Variants in PHTF1 observed in about 807,000 individuals in gnomAD.
PHTF1 encodes the protein protein PHTF1.
A neutral mutation model predicts 102.4 loss-of-function variants in PHTF1; 88 were observed. The observed-to-expected ratio is 0.86, with a 90% CI of 0.72 to 1.03. The LOEUF is 1.03. PHTF1 is among the 50% of genes least tolerant of loss of function. The pLI, the probability that PHTF1 is intolerant of heterozygous loss-of-function variation, is 0.00. For synonymous variants in PHTF1, 289 were observed against 305.2 expected, an observed-to-expected ratio of 0.95 and a Z score of 0.55; for missense variants, 814 against 909.5, an observed-to-expected ratio of 0.89 and a Z score of 1.35.
chr1:113,713,692 C>A, intron 7 of PHTF1: 1 of 376,756 alleles, frequency 2.7e-6, no homozygotes, highest in Non-Finnish European at 4.8e-6. Flanking sequence ...CAGTGTTGCA[C>A]AAAAGTAGGT....
At chr1:113,737,677 T>C (rs1459767939) in intron 5 of PHTF1, among the ~76,000 whole-genome samples, 1 of 152,122 alleles carries the variant, frequency 6.6e-6, no homozygotes, top group Non-Finnish European at 1.5e-5. Flanking sequence ...CATACACCTG[T>C]AGTGCCAGCT....
intron 3 of PHTF1, among the ~76,000 whole-genome samples, chr1:113,744,567 C>A (rs1490941101): frequency 6.6e-6 from 1 of 152,074 alleles, no homozygotes; most frequent in Non-Finnish European, 1.5e-5. Flanking sequence ...TTTAAGAAGT[C>A]CAAGAAAGAT....
In PHTF1 at chr1:113,738,881, C is replaced by T. The variant is rs959110562; in HGVS notation, c.103-82G>A. The T allele has an allele frequency of 4.6e-5, 46 of 998,582 alleles. No individual in the cohort carries two copies. In the Admixed American group the frequency reaches 4.7e-4, roughly 10 times the overall value. 61.9% of individuals were successfully genotyped at this position (998,582 alleles called of 1,614,324 possible). A position where few individuals can be genotyped will look rare whatever the true frequency, so the allele number is the denominator to read the frequency against. The stretch of plus-strand genomic sequence containing the variant: ...TTTATTTATTTTTGAGACACAGTTT[C>T]GCTCTTGTAGCCCAGGCTGGAGTGC... On this transcript the variant is annotated intron_variant, in intron 3 of 18. Transcript: ENST00000369604.
chr1:113,728,527 G>C (rs1445161568), intron 5 of PHTF1, among the ~76,000 whole-genome samples: 1 of 152,212 alleles, frequency 6.6e-6, no homozygotes, highest in Non-Finnish European at 1.5e-5. Flanking sequence ...CAACCACTAT[G>C]AAGAACAGCT....
Position 113,702,855 on chromosome 1 carries a change from G to A in PHTF1, c.1890+1226C>T, listed in dbSNP as rs576728948. On this transcript the variant is annotated intron_variant, in intron 15 of 18. Transcript: ENST00000369604. ...ATTACAAATAGAGACATTTTGTAGG[G>A]TCATGAAAGGCAAAGCCTGACATTT... Among the ~76,000 whole-genome samples, 130 of 152,296 alleles carry A rather than the reference G, an allele frequency of 8.5e-4. 5 individuals are homozygous for A. In the South Asian group the frequency reaches 0.026, roughly 30 times the overall value.
At chr1:113,753,577 G>T (rs1658409969) in intron 3 of PHTF1, among the ~76,000 whole-genome samples, 1 of 152,148 alleles carries the variant, frequency 6.6e-6, no homozygotes, top group South Asian at 2.1e-4. Context: ...ACAGGTGCGT[G>T]TCACCATGCC....
At chr1:113,725,762 T>C (rs1202536341) in intron 6 of PHTF1, 2 of 152,390 alleles carry the variant, frequency 1.3e-5, no homozygotes, top group African/African-American at 2.4e-5. Context: ...TCAGGAGTTC[T>C]AGATCAGCCT....
chr1:113,706,297 A>G, intron 12 of PHTF1, 135 bp from the exon 13 acceptor site: 1 of 827,672 alleles, frequency 1.2e-6, no homozygotes, highest in South Asian at 2.0e-5. Flanking sequence ...CAGATTTATG[A>G]CTTTCAAATC....
intron 8 of PHTF1, among the ~76,000 whole-genome samples, chr1:113,712,547 G>C (rs1367699296): frequency 2.0e-5 from 3 of 152,176 alleles, no homozygotes; most frequent in Non-Finnish European, 1.5e-5. Context: ...TATAGTAACG[G>C]CTCAATAATT....
intron 3 of PHTF1, among the ~76,000 whole-genome samples, chr1:113,754,931 T>G (rs1658621013): frequency 6.6e-6 from 1 of 152,146 alleles, no homozygotes; most frequent in South Asian, 2.1e-4. Context: ...TCTAAACAAG[T>G]CTTATACTTC....
At chr1:113,744,497 A>G (rs1656900831) in intron 3 of PHTF1, among the ~76,000 whole-genome samples, 1 of 152,192 alleles carries the variant, frequency 6.6e-6, no homozygotes, top group South Asian at 2.1e-4. Context: ...GTGAACAACA[A>G]AACAATTACA....
chr1:113,703,440 G>A (rs1649662809), intron 15 of PHTF1, among the ~76,000 whole-genome samples: 1 of 152,210 alleles, frequency 6.6e-6, no homozygotes, highest in Non-Finnish European at 1.5e-5. Flanking sequence ...AAGGGTACAG[G>A]AGGGGGTTTC....
At chr1:113,741,332 G>A (rs1656316174) in intron 3 of PHTF1, among the ~76,000 whole-genome samples, 1 of 151,952 alleles carries the variant, frequency 6.6e-6, no homozygotes, top group African/African-American at 2.4e-5. Flanking sequence ...TTGAAAATGA[G>A]GCAACTCAAG....
intron 8 of PHTF1, among the ~76,000 whole-genome samples, chr1:113,712,975 T>C (rs1217746401): frequency 6.6e-6 from 1 of 152,092 alleles, no homozygotes; most frequent in Non-Finnish European, 1.5e-5. Context: ...GTATTTTTAG[T>C]AGAAACGGGG....
At chr1:113,724,651 T>C in intron 7 of PHTF1, 108 bp downstream of exon 7, 1 of 808,464 alleles carries the variant, frequency 1.2e-6, no homozygotes, top group South Asian at 3.5e-5. Context: ...TGATAACCCT[T>C]AAAAATCACA....
rs377692978 is a variant in PHTF1, at chr1:113,697,960, C to T, written c.2269-235G>A. Among the ~76,000 whole-genome samples the T allele has an allele frequency of 2.6e-4, 39 of 152,284 alleles. No individual in the cohort carries two copies. In the East Asian group the frequency reaches 2.9e-3, roughly 11 times the overall value. On this transcript the variant is annotated intron_variant, in intron 18 of 18. Transcript: ENST00000369604. Reference sequence around the variant, plus strand: ...ATTCATTCTACATCTGTACATTCCCCAGGATCAGAGTAAGACCATTACCCA... The same window carrying T: ...ATTCATTCTACATCTGTACATTCCCTAGGATCAGAGTAAGACCATTACCCA...
intron 3 of PHTF1, among the ~76,000 whole-genome samples, chr1:113,753,714 G>A (rs1160965707): frequency 3.3e-5 from 5 of 150,108 alleles, no homozygotes; most frequent in East Asian, 2.0e-4. Flanking sequence ...ATCAGCCACC[G>A]TGCCCAGCCT....
Position 113,726,588 on chromosome 1 carries a change from G to C in PHTF1, c.332-14C>G. The C allele has an allele frequency of 1.3e-6, 2 of 1,491,864 alleles. No individual in the cohort carries two copies. Among genetic ancestry groups the C allele is most frequent in the Non-Finnish European group, 1.8e-6 (2 of 1,099,808 alleles). The allele number at this position is 1,491,864 out of a possible 1,614,324, so 92.4% of individuals were successfully genotyped here. ...CAATTGCTATAACTGAAAAGAAGAG[G>C]TTTTAAGATGTAAAACATTAGAGCT... On this transcript the variant is annotated splice_polypyrimidine_tract_variant and intron_variant, in intron 5 of 18. Coordinates refer to ENST00000369604, the MANE Select transcript of PHTF1 (RefSeq NM_001323043.2).
In PHTF1 at chr1:113,757,667, A is replaced by T. The variant is rs1278200872; in HGVS notation, c.102+32T>A. ...TTCCACTCTTCATATTAATGCAGTG[A>T]AACATAGGCGGAATCAAAGAAATCA... On this transcript the variant is annotated intron_variant, in intron 3 of 18. Coordinates refer to ENST00000369604, the MANE Select transcript of PHTF1 (RefSeq NM_001323043.2). 12 of 1,453,678 alleles carry T rather than the reference A, an allele frequency of 8.3e-6. No homozygotes were observed. The East Asian group carries it at 2.7e-4, about 33-fold the overall frequency. The allele number at this position is 1,453,678 out of a possible 1,614,324, so 90.0% of individuals were successfully genotyped here.
Sources: gnomAD v4.1 joint callset for allele counts (sites outside exome capture counted in the v4.1 genomes callset) on GRCh38, gnomAD v4.1.1 for gene constraint, MANE v1.5 for transcripts, NCBI Gene and HGNC (gene_info 2026-07-23, HGNC 2026-07-21) for gene names.